SCNN1A: variants seen among roughly 807,000 people sequenced by gnomAD.
SCNN1A encodes the protein sodium channel epithelial 1 subunit alpha, also known as epithelial sodium channel subunit alpha.
In SCNN1A, 65 loss-of-function variants were observed where a neutral mutation model predicts 68.6. The ratio of observed to expected loss-of-function variants is 0.95; its 90% CI spans 0.78 to 1.16. The LOEUF is 1.16. SCNN1A is among the 50% of genes most tolerant of loss of function. SCNN1A has a pLI of 0.00. For synonymous variants in SCNN1A, 357 were observed against 353.3 expected (o/e 1.01, Z -0.12); for missense variants, 880 against 865.9 (o/e 1.02, Z -0.20).
At chr12:6,350,204 G>T (rs189668102) in intron 8 of SCNN1A, among the ~76,000 whole-genome samples, 321 of 145,490 alleles carry the variant, frequency 2.2e-3, no homozygotes, top group African/African-American at 7.8e-3. Context: ...AGGCCGAGGC[G>T]GGTGGATCAC....
At chr12:6,359,847 T>C (rs916194798) in intron 4 of SCNN1A, among the ~76,000 whole-genome samples, 1 of 136,440 alleles carries the variant, frequency 7.3e-6, no homozygotes, top group African/African-American at 2.7e-5. Flanking sequence ...CTCGGCTCAC[T>C]GCAACCTCCA....
Position 6,374,675 on chromosome 12 carries a change from C to G in SCNN1A, c.109G>C (p.Ala37Pro). Residue 37 changes from alanine (A) to proline (P), a missense_variant, in exon 2 of 13, where the codon GCG becomes CCG. Ala to Pro is a conservative substitution (Grantham distance 27). This residue lies in a region of SCNN1A where 77 missense variants were observed against 67.4 expected (regional missense o/e 1.14). Coordinates refer to ENST00000228916, the MANE Select transcript of SCNN1A (RefSeq NM_001038.6). The surrounding 1 kb of genome is among the most constrained non-coding windows in gnomAD (Gnocchi z 6.2). ...TCCTCCGCCGTGGGCTGCTGGGGCG[C>G]CGCAGGTTCGGGGCCCAGCCCCTGC... Reference protein sequence around the residue: ...EEQGLGPEPAAPQQPTAEEEA... With the variant: ...EEQGLGPEPAPPQQPTAEEEA... The G allele has an allele frequency of 6.2e-7, 1 of 1,613,882 alleles. No individual in the cohort carries two copies. Among genetic ancestry groups the G allele is most frequent in the Non-Finnish European group, 8.5e-7 (1 of 1,179,904 alleles).
rs758691159 is a variant in SCNN1A, at chr12:6,347,940, C to T, written c.1943G>A (p.Gly648Asp). Residue 648 changes from glycine to aspartate, a missense_variant, in exon 13 of 13, where the codon GGC becomes GAC. This residue lies in a region of SCNN1A where 758 missense variants were observed against 721.8 expected (regional missense o/e 1.05). Coordinates refer to ENST00000228916, the MANE Select transcript of SCNN1A (RefSeq NM_001038.6). ...AGAGCCCCCTGGAGATGGGCGGGGGCCCAGGGTGGCATAGGCAGGGGGAGG... is the reference window on the plus strand; with the variant it reads ...AGAGCCCCCTGGAGATGGGCGGGGGTCCAGGGTGGCATAGGCAGGGGGAGG... ...TAPPPAYATL[G>D]PRPSPGGSAG... is the part of the protein sequence containing the mutation. The T allele has an allele frequency of 1.3e-6, 2 of 1,580,174 alleles. No individual in the cohort carries two copies. Among genetic ancestry groups the T allele is most frequent in the East Asian group, 2.3e-5 (1 of 43,588 alleles).
chr12:6,357,836 T>C (rs906259737), intron 4 of SCNN1A, among the ~76,000 whole-genome samples: 1 of 152,050 alleles, frequency 6.6e-6, no homozygotes, highest in Non-Finnish European at 1.5e-5. Flanking sequence ...CCATCTCTAC[T>C]AAAAATACAA....
In SCNN1A at chr12:6,351,110, T is replaced by C. The variant is rs1314173288; in HGVS notation, c.1361-1705A>G. Among the ~76,000 whole-genome samples the C allele has an allele frequency of 1.3e-5, 2 of 152,218 alleles. No homozygotes were observed. The highest frequency in any genetic ancestry group is 4.8e-5 in the African/African-American group (2 of 41,438). On this transcript the variant is annotated intron_variant, in intron 8 of 12. Transcript: ENST00000228916. The surrounding 1 kb of genome is among the most constrained non-coding windows in gnomAD (Gnocchi z 4.2). Reference sequence around the variant, plus strand: ...TTGTACACAAATGCTCACAGCAGCATTATTCACAATAACCAAAAAGTGGCA... The same window carrying C: ...TTGTACACAAATGCTCACAGCAGCACTATTCACAATAACCAAAAAGTGGCA...
chr12:6,377,041 G>T (rs1299138104), upstream of SCNN1A: 4 of 526,448 alleles, frequency 7.6e-6, no homozygotes, highest in Non-Finnish European at 1.3e-5. Flanking sequence ...GGGGCTCACT[G>T]CAGGAGACTC....
chr12:6,375,106 C>T, intron 1 of SCNN1A: 1 of 1,504,724 alleles, frequency 6.6e-7, no homozygotes, highest in African/African-American at 1.4e-5. Context: ...ATAGGGCCAC[C>T]TTTCGAGTTT....
At chr12:6,355,083 C>T (rs1948472889) in intron 6 of SCNN1A, among the ~76,000 whole-genome samples, 189 bp downstream of exon 6, 1 of 152,092 alleles carries the variant, frequency 6.6e-6, no homozygotes, top group Admixed American at 6.5e-5. Context: ...CAGCACTTGT[C>T]CCCCAGGGTC....
At chr12:6,349,978 G>A (rs1387139055) in intron 8 of SCNN1A, 9 of 191,986 alleles carry the variant, frequency 4.7e-5, no homozygotes, top group Non-Finnish European at 8.1e-5. Flanking sequence ...TGCCCGCCTC[G>A]GCCTCCCAAA....
At chr12:6,375,665 G>A (rs1049448072), upstream of SCNN1A, 83 of 1,469,978 alleles carry the variant, frequency 5.6e-5, no homozygotes, top group Admixed American at 4.6e-5. Flanking sequence ...GAGGGCTCCC[G>A]AGGGCAGGTG....
intron 8 of SCNN1A, among the ~76,000 whole-genome samples, chr12:6,350,620 TG>T (rs1288894166): frequency 6.6e-6 from 1 of 152,122 alleles, no homozygotes; most frequent in African/African-American, 2.4e-5. Flanking sequence ...GTGGATTACC[TG>T]AGGTCAGGAA....
upstream of SCNN1A, chr12:6,376,197 A>C: frequency 1.0e-6 from 1 of 985,148 alleles, no homozygotes; most frequent in Non-Finnish European, 1.2e-6. Flanking sequence ...CAGCGCACTC[A>C]GGTGGGATGC....
intron 2 of SCNN1A, among the ~76,000 whole-genome samples, chr12:6,369,770 C>T (rs1375827606): frequency 6.8e-5 from 10 of 147,678 alleles, no homozygotes; most frequent in East Asian, 2.1e-4. Flanking sequence ...GGAGGCGGAG[C>T]TTGCAGTGAG....
intron 8 of SCNN1A, chr12:6,349,983 C>T (rs1303244215): frequency 1.0e-5 from 2 of 193,390 alleles, no homozygotes; most frequent in South Asian, 1.3e-4. Context: ...GCCTCGGCCT[C>T]CCAAAGTGCT....
chr12:6,369,490 C>T (rs1226103534), intron 2 of SCNN1A, among the ~76,000 whole-genome samples: 2 of 152,096 alleles, frequency 1.3e-5, no homozygotes, highest in Non-Finnish European at 2.9e-5. Context: ...CCATAGGGCC[C>T]CACCTTCACT....
In SCNN1A at chr12:6,363,563, C is replaced by A; in HGVS notation, c.564G>T (p.Leu188Phe). The change falls in exon 3 of 13, where the codon TTG (leucine) becomes TTT (phenylalanine). Residue 188 changes from leucine to phenylalanine, a missense_variant. Physicochemically the swap from Leu to Phe is conservative, Grantham distance 22. Transcript: ENST00000228916. The part of the protein sequence containing the change: ...RDLRGTLPHP[L>F]QRLRVPPPPH... ...GCGGGGGCGGGACCCTCAGGCGCTG[C>A]AAGGGGTGCGGCAGAGTCCCCCGCA... 1 of 1,611,242 alleles carries A rather than the reference C, an allele frequency of 6.2e-7. No homozygotes were observed. The highest frequency in any genetic ancestry group is 8.5e-7 in the Non-Finnish European group (1 of 1,178,888).
In SCNN1A at chr12:6,365,470, G is replaced by A. The variant is rs532993669; in HGVS notation, c.417-1760C>T. ...CTTTAGTATTTACTATAAAGCCACA[G>A]TAATCAAAACAATGCGGTTCTTGGT... On this transcript the variant is annotated intron_variant, in intron 2 of 12. Transcript: ENST00000228916. Among the ~76,000 whole-genome samples, 3 of 152,302 alleles carry A rather than the reference G, an allele frequency of 2.0e-5. No homozygotes were observed. In the South Asian group the frequency reaches 6.2e-4, roughly 32 times the overall value.
intron 4 of SCNN1A, among the ~76,000 whole-genome samples, chr12:6,358,607 C>T (rs1436802745): frequency 6.6e-6 from 1 of 151,914 alleles, no homozygotes; most frequent in African/African-American, 2.4e-5. Flanking sequence ...ACCTATAATC[C>T]CAGCACTTTG....
intron 2 of SCNN1A, among the ~76,000 whole-genome samples, chr12:6,369,256 A>C (rs1165207263): frequency 2.5e-5 from 3 of 119,234 alleles, no homozygotes; most frequent in East Asian, 2.2e-4. Context: ...TTCCTCCTCC[A>C]TGCTGCCACC....
Sources: allele counts gnomAD v4.1 joint callset (sites outside exome capture counted in the v4.1 genomes callset), GRCh38; gene constraint gnomAD v4.1.1; regional missense constraint gnomAD v4.1.1; non-coding constraint Gnocchi (gnomAD v3.1); transcripts MANE v1.5; gene names NCBI Gene and HGNC (gene_info 2026-07-23, HGNC 2026-07-21).